ACO1: variants seen among roughly 807,000 people sequenced by gnomAD.
The protein encoded by ACO1 is cytoplasmic aconitate hydratase.
In ACO1, 78 loss-of-function variants were observed where a neutral mutation model predicts 105.1. The observed-to-expected ratio is 0.74, with a 90% CI of 0.62 to 0.90. The LOEUF is 0.90. Ranked by LOEUF, ACO1 falls within the 40% of genes least tolerant of loss-of-function variation. The pLI, the probability that ACO1 is intolerant of heterozygous loss-of-function variation, is 0.00. For synonymous variants in ACO1, 364 were observed against 397.4 expected (o/e 0.92, Z 1.00); for missense variants, 965 against 1,111.1 (o/e 0.87, Z 1.87).
chr9:32,387,022 T>C (rs952777056), intron 1 of ACO1, among the ~76,000 whole-genome samples: 4 of 152,136 alleles, frequency 2.6e-5, no homozygotes, highest in Admixed American at 2.0e-4. Flanking sequence ...TTCAAAGGCA[T>C]GTGCTGAAGA....
chr9:32,408,640 T>C lies in ACO1; in HGVS notation c.393T>C (p.Asp131=), dbSNP rs1821667700. 6.2e-7 allele frequency: 1 copy of C among 1,614,018 alleles called. No homozygotes were observed. The highest frequency in any genetic ancestry group is 8.5e-7 in the Non-Finnish European group (1 of 1,180,006). The change falls in exon 4 of 21, where the codon GAT becomes GAC. Residue 131 remains aspartate (D), a synonymous_variant. Transcript: ENST00000309951. The part of the protein sequence containing the change: ...DLVIDHSIQV[D]FNRRADSLQK... ...TAATAGATCATTCCATCCAGGTTGA[T>C]TTCAACAGAAGGTGAGAGATTAAAA...
chr9:32,446,487 A>G (rs1457042222), intron 19 of ACO1, among the ~76,000 whole-genome samples: 1 of 151,806 alleles, frequency 6.6e-6, no homozygotes, highest in Admixed American at 6.6e-5. Context: ...GTGTCTTTGC[A>G]CCTGAGATGG....
At chr9:32,405,887 T>A (rs543972881) in intron 2 of ACO1, among the ~76,000 whole-genome samples, 48 of 152,300 alleles carry the variant, frequency 3.2e-4, no homozygotes, top group African/African-American at 1.1e-3. Flanking sequence ...TTATAAAATA[T>A]AAGAGGTCCT....
In ACO1 at chr9:32,451,573, AAGGACAGG is replaced by A. The variant is rs1297958793; in HGVS notation, c.*1466_*1473del. ...GGAACAAGCAGGAGCTGTGATGTCC[AAGGACAGG>A]AGGGCAGGATCTTTGTAATGAATTT... is the stretch of plus-strand genomic sequence containing the variant. On this transcript the variant is annotated 3_prime_UTR_variant, in exon 21 of 21. Transcript: ENST00000309951. 6.6e-6 allele frequency: 1 copy of A among 152,152 alleles called. No individual in the cohort carries two copies. Among genetic ancestry groups the A allele is most frequent in the South Asian group, 2.1e-4 (1 of 4,830 alleles). The allele number at this position is 152,152 out of a possible 1,614,324, so 9.4% of individuals were successfully genotyped here.
intron 19 of ACO1, among the ~76,000 whole-genome samples, chr9:32,447,260 GT>G (rs965467485): frequency 6.6e-6 from 1 of 152,002 alleles, no homozygotes; most frequent in African/African-American, 2.4e-5. Flanking sequence ...GGCTTTCTCT[GT>G]TTCTTTTCAC....
At chr9:32,418,901 C>A in intron 6 of ACO1, 137 bp from the exon 7 acceptor site, 1 of 1,058,658 alleles carries the variant, frequency 9.4e-7, no homozygotes, top group Non-Finnish European at 1.3e-6. Flanking sequence ...AAAATAACTG[C>A]TCTTTATAGA....
chr9:32,419,716 C>T (rs1401206813), intron 7 of ACO1, among the ~76,000 whole-genome samples: 5 of 152,170 alleles, frequency 3.3e-5, no homozygotes, highest in African/African-American at 1.2e-4. Flanking sequence ...TTTAAATTCT[C>T]TTCTCTGTAT....
intron 4 of ACO1, 118 bp from the exon 5 acceptor site, chr9:32,418,010 A>C (rs1157684653): frequency 6.1e-6 from 5 of 818,650 alleles, no homozygotes; most frequent in African/African-American, 5.2e-5. Context: ...AATGAAATTC[A>C]TATTATCACT....
At chr9:32,422,987 C>A (rs1164767458) in intron 8 of ACO1, among the ~76,000 whole-genome samples, 1 of 152,190 alleles carries the variant, frequency 6.6e-6, no homozygotes, top group Non-Finnish European at 1.5e-5. Context: ...CATAGGTGTG[C>A]TTTCACAATT....
At position 32,435,932 on chromosome 9, in the gene ACO1, G is replaced by A. The variant is rs1203279084; in HGVS notation, c.2100-318G>A. ...TTTAATTTAGCTCTTTATCTTATATGAAGCTTTATAGGCTACCCTACTAAC... is the reference window on the plus strand; with the variant it reads ...TTTAATTTAGCTCTTTATCTTATATAAAGCTTTATAGGCTACCCTACTAAC... On this transcript the variant is annotated intron_variant, in intron 17 of 20. Transcript: ENST00000309951. 5 of 468,466 alleles carry A rather than the reference G, an allele frequency of 1.1e-5. No individual in the cohort carries two copies. In the East Asian group the frequency reaches 2.8e-4, roughly 26 times the overall value. The allele number at this position is 468,466 out of a possible 1,614,324, so 29.0% of individuals were successfully genotyped here. A position where few individuals can be genotyped will look rare whatever the true frequency, so the allele number is the denominator to read the frequency against.
chr9:32,409,573 A>C (rs10813811), intron 4 of ACO1, among the ~76,000 whole-genome samples: 84,276 of 152,052 alleles, frequency 0.55, 23,421 homozygotes, highest in Middle Eastern at 0.64. Context: ...TTCGTTGGCC[A>C]CGTGCAGTGG....
Position 32,440,512 on chromosome 9 carries a change from C to T in ACO1, c.2295C>T (p.Pro765=). The T allele has an allele frequency of 1.2e-6, 2 of 1,614,022 alleles. No individual in the cohort carries two copies. Among genetic ancestry groups the T allele is most frequent in the Non-Finnish European group, 1.7e-6 (2 of 1,179,960 alleles). ...AGCGGTACCAGCAGGCAGGCCTTCC[C>T]CTGATCGTTCTGGCTGGCAAAGAGT... The part of the protein sequence containing the change: ...AAERYQQAGL[P]LIVLAGKEYG... The change falls in exon 19 of 21, where the codon CCC becomes CCT. Residue 765 remains proline (P), a synonymous_variant. Transcript: ENST00000309951.
chr9:32,384,652 G>T lies in ACO1; in HGVS notation c.-106G>T, dbSNP rs766257288. ...GAGGGGGCGGAGCGTGGAGGCGGCA[G>T]CTGGAACCGCGCAGCGCACGGGAAC... On this transcript the variant is annotated 5_prime_UTR_variant, in exon 1 of 21. Transcript: ENST00000309951. 5.1e-6 allele frequency: 2 copies of T among 390,400 alleles called. No homozygotes were observed. Among genetic ancestry groups the T allele is most frequent in the South Asian group, 3.5e-5 (2 of 57,738 alleles). The allele number at this position is 390,400 out of a possible 1,614,324, so 24.2% of individuals were successfully genotyped here.
At chr9:32,437,264 C>T (rs1352079938) in intron 18 of ACO1, among the ~76,000 whole-genome samples, 1 of 152,104 alleles carries the variant, frequency 6.6e-6, no homozygotes, top group Non-Finnish European at 1.5e-5. Flanking sequence ...AGAAGTGAAG[C>T]ATAAAGAGGT....
In ACO1 at chr9:32,453,530, C is replaced by G. The variant is rs1343591381; in HGVS notation, c.*3419C>G. 1 of 152,042 alleles carries G rather than the reference C, an allele frequency of 6.6e-6. No homozygotes were observed. The highest frequency in any genetic ancestry group is 1.5e-5 in the Non-Finnish European group (1 of 68,022). 9.4% of individuals were successfully genotyped at this position (152,042 alleles called of 1,614,324 possible). A position where few individuals can be genotyped will look rare whatever the true frequency, so the allele number is the denominator to read the frequency against. On this transcript the variant is annotated 3_prime_UTR_variant, in exon 21 of 21. Transcript: ENST00000309951. ...CTGCAGTAGAGTGGCCTCTTCTGGG[C>G]CCTTCCACATGCCAGGGGATATGGC...
intron 4 of ACO1, among the ~76,000 whole-genome samples, chr9:32,409,170 C>A (rs548863127): frequency 2.0e-5 from 3 of 152,316 alleles, no homozygotes; most frequent in African/African-American, 7.2e-5. Flanking sequence ...TCAAGGCCAG[C>A]TTAAATCTTA....
chr9:32,416,124 T>C (rs1197825028), intron 4 of ACO1, among the ~76,000 whole-genome samples: 1 of 150,682 alleles, frequency 6.6e-6, no homozygotes, highest in African/African-American at 2.4e-5. Flanking sequence ...AGATGGCGTC[T>C]TGCTTTGTCG....
intron 1 of ACO1, among the ~76,000 whole-genome samples, chr9:32,392,881 A>G (rs1176757109): frequency 6.6e-6 from 1 of 152,222 alleles, no homozygotes; most frequent in African/African-American, 2.4e-5. Context: ...ATCTCTGAAC[A>G]TAAATTGTGA....
In ACO1 at chr9:32,440,523, T is replaced by C. The variant is rs1449768892; in HGVS notation, c.2306T>C (p.Leu769Pro). 1.2e-6 allele frequency: 2 copies of C among 1,614,090 alleles called. No individual in the cohort carries two copies. Among genetic ancestry groups the C allele is most frequent in the Admixed American group, 1.7e-5 (1 of 60,022 alleles). Residue 769 changes from leucine to proline, a missense_variant, in exon 19 of 21, where the codon CTG (leucine) becomes CCG (proline). Coordinates refer to ENST00000309951, the MANE Select transcript of ACO1 (RefSeq NM_002197.3). ...YQQAGLPLIV[L>P]AGKEYGAGSS... ...CAGGCAGGCCTTCCCCTGATCGTTC[T>C]GGCTGGCAAAGAGTACGGTGCAGGC...
Sources: allele counts gnomAD v4.1 joint callset (sites outside exome capture counted in the v4.1 genomes callset), GRCh38; gene constraint gnomAD v4.1.1; transcripts MANE v1.5; gene names NCBI Gene and HGNC (gene_info 2026-07-23, HGNC 2026-07-21).